The following GPR173 variants were observed in gnomAD, a reference collection of about 807,000 sequenced individuals.
The protein encoded by GPR173 is probable G protein-coupled receptor 173.
In GPR173, 2 loss-of-function variants were observed where a neutral mutation model predicts 13.9. The observed-to-expected ratio is 0.14, with a 90% CI of 0.06 to 0.45. The LOEUF (loss-of-function observed/expected upper bound fraction) is 0.45. Among genes scored for constraint, GPR173 ranks in the 20% least tolerant of loss-of-function variants. The pLI, the probability that GPR173 is intolerant of heterozygous loss-of-function variation, is 0.98. For synonymous variants in GPR173, 131 were observed against 141.0 expected (o/e 0.93, Z 0.50); for missense variants, 202 against 340.5 (o/e 0.59, Z 3.20).
At chrX:53,062,572 CTTTTT>C (rs1165015535) in intron 1 of GPR173, among the ~76,000 whole-genome samples, 1 of 41,012 alleles carries the variant, frequency 2.4e-5, no homozygotes, top group Non-Finnish European at 4.1e-5. Flanking sequence ...TTGTCTTCTT[CTTTTT>C]TTTTTTTTTT....
chrX:53,066,541 G>A (rs948135592), intron 1 of GPR173, among the ~76,000 whole-genome samples: 7 of 109,957 alleles, frequency 6.4e-5, no homozygotes, highest in Non-Finnish European at 1.3e-4. Context: ...GGCAGTGTGC[G>A]CCTGTAGTCC....
intron 1 of GPR173, among the ~76,000 whole-genome samples, chrX:53,075,559 T>C (rs1458884490): frequency 9.3e-6 from 1 of 108,051 alleles, no homozygotes; most frequent in African/African-American, 3.4e-5. Context: ...TTTTTCAGTG[T>C]ATGAATGAAT....
In GPR173 at chrX:53,079,788, ACAC is replaced by A. The variant is rs1556806394; in HGVS notation, c.*2049_*2051del. ...TGCATGCATACACACACACACACACACACCACAGTTGAGAGGAGACAAACTAGA... is the reference window on the plus strand; with the variant it reads ...TGCATGCATACACACACACACACACACACAGTTGAGAGGAGACAAACTAGA... On this transcript the variant is annotated 3_prime_UTR_variant, in exon 2 of 2. Transcript: ENST00000332582. 39 of 122,204 alleles carry A rather than the reference ACAC, an allele frequency of 3.2e-4. No homozygotes were observed. 10.1% of individuals were successfully genotyped at this position (122,204 alleles called of 1,213,427 possible). A position where few individuals can be genotyped will look rare whatever the true frequency, so the allele number is the denominator to read the frequency against.
At position 53,077,976 on chromosome X, in the gene GPR173, CT is replaced by C; in HGVS notation, c.*235del. 5.1e-6 allele frequency: 2 copies of C among 395,279 alleles called. No homozygotes were observed. Among genetic ancestry groups the C allele is most frequent in the Non-Finnish European group, 9.0e-6 (2 of 222,161 alleles). 32.6% of individuals were successfully genotyped at this position (395,279 alleles called of 1,213,427 possible). A position where few individuals can be genotyped will look rare whatever the true frequency, so the allele number is the denominator to read the frequency against. On this transcript the variant is annotated 3_prime_UTR_variant, in exon 2 of 2. Transcript: ENST00000332582. ...TTGTGGGGCCTGTCTCCGCTGCCTCCTTCTCCACTTCTACAATCTCATTCTC... is the reference window on the plus strand; with the variant it reads ...TTGTGGGGCCTGTCTCCGCTGCCTCCTCTCCACTTCTACAATCTCATTCTC...
In GPR173 at chrX:53,080,116, G is replaced by A. The variant is rs1298755933; in HGVS notation, c.*2373G>A. 1 of 122,633 alleles carries A rather than the reference G, an allele frequency of 8.2e-6. No individual in the cohort carries two copies. The highest frequency in any genetic ancestry group is 1.9e-5 in the Non-Finnish European group (1 of 53,084). 10.1% of individuals were successfully genotyped at this position (122,633 alleles called of 1,213,427 possible). A position where few individuals can be genotyped will look rare whatever the true frequency, so the allele number is the denominator to read the frequency against. ...GATCAAATGTGAGGGAAACTGATGA[G>A]GTTAGGAAATGCCCCCCACAAAGTA... On this transcript the variant is annotated 3_prime_UTR_variant, in exon 2 of 2. Coordinates refer to ENST00000332582, the MANE Select transcript of GPR173 (RefSeq NM_018969.6).
At chrX:53,054,365 G>A (rs890306265) in intron 1 of GPR173, among the ~76,000 whole-genome samples, 1 of 110,433 alleles carries the variant, frequency 9.1e-6, no homozygotes, top group African/African-American at 3.3e-5. Flanking sequence ...ACAACTGGGC[G>A]TGGTGGTGCA....
intron 1 of GPR173, among the ~76,000 whole-genome samples, chrX:53,072,747 GAGTA>G (rs782508000): frequency 9.0e-6 from 1 of 111,355 alleles, no homozygotes; most frequent in South Asian, 3.7e-4. Flanking sequence ...GAGAGAAAGA[GAGTA>G]AGTGTGTGTG....
At chrX:53,074,611 T>C (rs1261634958) in intron 1 of GPR173, among the ~76,000 whole-genome samples, 3 of 49,978 alleles carry the variant, frequency 6.0e-5, no homozygotes, top group African/African-American at 2.8e-4. Flanking sequence ...TATAAATAAC[T>C]ATAAATATAG....
Position 53,049,041 on chromosome X carries a change from G to A in GPR173, c.-541G>A, listed in dbSNP as rs1556802377. ...GTGTCTTCTGAGGACAAAAGGCGGC[G>A]GCCAGCAGGCAGACGGAGGGGGGGG... On this transcript the variant is annotated 5_prime_UTR_variant, in exon 1 of 2. Coordinates refer to ENST00000332582, the MANE Select transcript of GPR173 (RefSeq NM_018969.6). 2.2e-5 allele frequency: 2 copies of A among 90,814 alleles called. No individual in the cohort carries two copies. Among genetic ancestry groups the A allele is most frequent in the African/African-American group, 8.1e-5 (2 of 24,778 alleles). 7.5% of individuals were successfully genotyped at this position (90,814 alleles called of 1,213,427 possible).
chrX:53,056,134 T>A (rs1556803199), intron 1 of GPR173, among the ~76,000 whole-genome samples: 1 of 109,165 alleles, frequency 9.2e-6, no homozygotes, highest in African/African-American at 3.4e-5. Context: ...GGTACAAGTT[T>A]GAATGTATCT....
chrX:53,058,258 G>T (rs1385702550), intron 1 of GPR173, among the ~76,000 whole-genome samples: 5 of 112,216 alleles, frequency 4.5e-5, no homozygotes, highest in African/African-American at 1.6e-4. Flanking sequence ...CTGCACATGT[G>T]AGCATGCTTC....
chrX:53,059,045 C>G (rs1190634307), intron 1 of GPR173, among the ~76,000 whole-genome samples: 1 of 107,519 alleles, frequency 9.3e-6, no homozygotes, highest in Non-Finnish European at 1.9e-5. Context: ...GTCAGGAGAT[C>G]AAGACCATCC....
intron 1 of GPR173, among the ~76,000 whole-genome samples, chrX:53,062,572 C>CTTTTTTTT (rs1165015535): frequency 2.4e-5 from 1 of 41,012 alleles, no homozygotes; most frequent in Non-Finnish European, 4.1e-5. Flanking sequence ...TTGTCTTCTT[C>CTTTTTTTT]TTTTTTTTTT....
chrX:53,070,366 C>T (rs1477392768), intron 1 of GPR173, among the ~76,000 whole-genome samples: 1 of 111,497 alleles, frequency 9.0e-6, no homozygotes, highest in African/African-American at 3.3e-5. Flanking sequence ...CTGAGTGTGT[C>T]TGTGTATGTG....
chrX:53,078,834 C>G lies in GPR173; in HGVS notation c.*1091C>G, dbSNP rs1932484185. 8.1e-6 allele frequency: 1 copy of G among 123,371 alleles called. No homozygotes were observed. Among genetic ancestry groups the G allele is most frequent in the African/African-American group, 3.2e-5 (1 of 30,839 alleles). 10.2% of individuals were successfully genotyped at this position (123,371 alleles called of 1,213,427 possible). A position where few individuals can be genotyped will look rare whatever the true frequency, so the allele number is the denominator to read the frequency against. ...ACCGATAGCGGTACAAACTCCAAGG[C>G]ACTGTGGACTTGAGTCCATTCCTAT... is the stretch of plus-strand genomic sequence containing the variant. On this transcript the variant is annotated 3_prime_UTR_variant, in exon 2 of 2. Coordinates refer to ENST00000332582, the MANE Select transcript of GPR173 (RefSeq NM_018969.6).
intron 1 of GPR173, among the ~76,000 whole-genome samples, chrX:53,056,561 A>G: frequency 9.1e-6 from 1 of 110,270 alleles, no homozygotes; most frequent in Non-Finnish European, 1.9e-5. Context: ...ATCCGGCCAC[A>G]TGTGTGAGTA....
At chrX:53,071,387 T>C (rs1293732177) in intron 1 of GPR173, among the ~76,000 whole-genome samples, 2 of 112,131 alleles carry the variant, frequency 1.8e-5, no homozygotes, top group African/African-American at 6.5e-5. Flanking sequence ...TCTAAAATAG[T>C]CAACAACTCT....
At chrX:53,058,649 A>G (rs1182518695) in intron 1 of GPR173, among the ~76,000 whole-genome samples, 1 of 111,595 alleles carries the variant, frequency 9.0e-6, no homozygotes, top group Non-Finnish European at 1.9e-5. Flanking sequence ...GATGTGTTCC[A>G]GGGCAGATTT....
At chrX:53,074,297 TATAA>T (rs1556805391) in intron 1 of GPR173, among the ~76,000 whole-genome samples, 1 of 74,252 alleles carries the variant, frequency 1.3e-5, no homozygotes, top group Non-Finnish European at 2.3e-5. Context: ...TATAAATATA[TATAA>T]ATATACATTC....
Sources: allele counts gnomAD v4.1 joint callset (sites outside exome capture counted in the v4.1 genomes callset), GRCh38; gene constraint gnomAD v4.1.1; transcripts MANE v1.5; gene names NCBI Gene and HGNC (gene_info 2026-07-23, HGNC 2026-07-21).